Variants in RASGEF1A observed in about 807,000 individuals in gnomAD.
The protein encoded by RASGEF1A is ras-GEF domain-containing family member 1A.
In RASGEF1A, 18 loss-of-function variants were observed where a neutral mutation model predicts 56.4. The observed-to-expected ratio is 0.32, with a 90% CI of 0.22 to 0.47. The LOEUF (loss-of-function observed/expected upper bound fraction) is 0.47. RASGEF1A is among the 20% of genes least tolerant of loss of function. The probability of loss-of-function intolerance (pLI) is 1.00; values close to 1 mark genes in which losing one functional copy is unlikely to be tolerated. For synonymous variants in RASGEF1A, 245 were observed against 242.6 expected, an observed-to-expected ratio of 1.01 and a Z score of -0.09; for missense variants, 422 against 627.1, an observed-to-expected ratio of 0.67 and a Z score of 3.49.
chr10:43,235,936 C>A (rs1446867711), intron 1 of RASGEF1A, among the ~76,000 whole-genome samples: 1 of 152,066 alleles, frequency 6.6e-6, no homozygotes, highest in Non-Finnish European at 1.5e-5. Context: ...GGGACCCCTC[C>A]CATCACAAGG....
intron 1 of RASGEF1A, among the ~76,000 whole-genome samples, chr10:43,250,025 C>T (rs1290909942): frequency 6.6e-6 from 1 of 152,198 alleles, no homozygotes; most frequent in Admixed American, 6.5e-5. Context: ...CCAGGGCAAG[C>T]ACACCACCTC....
chr10:43,220,023 A>T (rs1199568220), intron 1 of RASGEF1A, among the ~76,000 whole-genome samples: 1 of 152,124 alleles, frequency 6.6e-6, no homozygotes, highest in Non-Finnish European at 1.5e-5. Context: ...AGCCTCTGGG[A>T]AACAGCACCC....
intron 1 of RASGEF1A, among the ~76,000 whole-genome samples, chr10:43,214,985 G>C (rs534040865): frequency 2.0e-5 from 3 of 152,202 alleles, no homozygotes; most frequent in African/African-American, 7.2e-5. Flanking sequence ...GCTGTTCCTC[G>C]GACCTCAGCA....
intron 1 of RASGEF1A, among the ~76,000 whole-genome samples, chr10:43,252,301 C>A (rs948889419): frequency 1.3e-5 from 2 of 152,148 alleles, no homozygotes; most frequent in African/African-American, 4.8e-5. Flanking sequence ...AGCAGTGCAC[C>A]CCAGAAGGAG....
chr10:43,245,723 T>TA (rs995021320), intron 1 of RASGEF1A, among the ~76,000 whole-genome samples: 2 of 152,078 alleles, frequency 1.3e-5, no homozygotes, highest in Non-Finnish European at 2.9e-5. Context: ...TTTGAAGATT[T>TA]AAAAAAATGC....
At chr10:43,241,794 T>C (rs1840504545) in intron 1 of RASGEF1A, among the ~76,000 whole-genome samples, 1 of 151,858 alleles carries the variant, frequency 6.6e-6, no homozygotes, top group Admixed American at 6.6e-5. Flanking sequence ...TCCAACTACA[T>C]GGCTTTCTAA....
intron 1 of RASGEF1A, among the ~76,000 whole-genome samples, chr10:43,237,404 G>A (rs1840443688): frequency 6.6e-6 from 1 of 150,430 alleles, no homozygotes; most frequent in African/African-American, 2.5e-5. Flanking sequence ...GCTGATCCCT[G>A]ACCCCACTGT....
At chr10:43,209,303 C>T (rs572779751) in intron 1 of RASGEF1A, 4 of 791,812 alleles carry the variant, frequency 5.1e-6, no homozygotes, top group East Asian at 1.3e-4. Context: ...CTTACGCAGA[C>T]GAGGGGTGAG....
intron 1 of RASGEF1A, among the ~76,000 whole-genome samples, chr10:43,265,781 A>G (rs1403075533): frequency 1.3e-5 from 2 of 152,192 alleles, no homozygotes; most frequent in Non-Finnish European, 2.9e-5. Context: ...CAGGGCACCG[A>G]GGTGGACAGG....
At chr10:43,207,404 ACAC>A (rs1840011857) in intron 1 of RASGEF1A, 2 of 901,624 alleles carry the variant, frequency 2.2e-6, no homozygotes, top group South Asian at 1.2e-4. Context: ...ACACACACAC[ACAC>A]ACACACACAC....
chr10:43,257,211 G>A (rs1280410117), intron 1 of RASGEF1A, among the ~76,000 whole-genome samples: 1 of 152,230 alleles, frequency 6.6e-6, no homozygotes, highest in Non-Finnish European at 1.5e-5. Context: ...GAGGAGCCAT[G>A]AGGCCTGGGT....
intron 3 of RASGEF1A, among the ~76,000 whole-genome samples, chr10:43,202,152 T>C (rs1397226439): frequency 1.3e-5 from 2 of 152,182 alleles, no homozygotes; most frequent in East Asian, 3.9e-4. Flanking sequence ...TTAAGTTGAC[T>C]TTCTTTTTCA....
In RASGEF1A at chr10:43,229,117, C is replaced by A. The variant is rs1287340668; in HGVS notation, c.-6-22995G>T. The stretch of plus-strand genomic sequence containing the variant: ...TACAGCGCCCTCGCCCTGGAGCGCA[C>A]ACTCCTCGAAGCCCCACGGTGGGCT... On this transcript the variant is annotated intron_variant, in intron 1 of 12. Coordinates refer to ENST00000395810, the MANE Select transcript of RASGEF1A (RefSeq NM_145313.4). Among the ~76,000 whole-genome samples, 10 of 152,332 alleles carry A rather than the reference C, an allele frequency of 6.6e-5. 1 individual carries two copies. The highest frequency in any genetic ancestry group is 2.4e-4 in the African/African-American group (10 of 41,582).
chr10:43,226,075 CCAA>C (rs1840276773), intron 1 of RASGEF1A, among the ~76,000 whole-genome samples: 1 of 152,204 alleles, frequency 6.6e-6, no homozygotes, highest in East Asian at 1.9e-4. Context: ...ACCAGCTTTG[CCAA>C]CAAAACTCCA....
At chr10:43,224,409 T>C (rs1225464116) in intron 1 of RASGEF1A, among the ~76,000 whole-genome samples, 2 of 152,160 alleles carry the variant, frequency 1.3e-5, no homozygotes, top group Non-Finnish European at 1.5e-5. Flanking sequence ...TTAAGCACAA[T>C]AGAGCCTGAC....
chr10:43,254,892 C>T (rs563337120), intron 1 of RASGEF1A, among the ~76,000 whole-genome samples: 1 of 152,320 alleles, frequency 6.6e-6, no homozygotes. Flanking sequence ...TTGGGTCTGA[C>T]ATTGGGACCT....
At chr10:43,252,353 G>GTGGGCAGGGGAACC (rs1840635531) in intron 1 of RASGEF1A, among the ~76,000 whole-genome samples, 1 of 152,210 alleles carries the variant, frequency 6.6e-6, no homozygotes, top group Non-Finnish European at 1.5e-5. Flanking sequence ...CCAGGACTAG[G>GTGGGCAGGGGAACC]TGGGCAGGGG....
intron 1 of RASGEF1A, among the ~76,000 whole-genome samples, chr10:43,230,177 G>A (rs1008606340): frequency 2.6e-5 from 4 of 152,356 alleles, no homozygotes; most frequent in Non-Finnish European, 5.9e-5. Context: ...AACTACAGCA[G>A]GTGTTCTGCC....
At chr10:43,226,280 A>G (rs1370500202) in intron 1 of RASGEF1A, among the ~76,000 whole-genome samples, 2 of 152,172 alleles carry the variant, frequency 1.3e-5, no homozygotes, top group Non-Finnish European at 2.9e-5. Flanking sequence ...CGTCTCTACT[A>G]AAAATACAAA....
Sources: gnomAD v4.1 joint callset for allele counts (sites outside exome capture counted in the v4.1 genomes callset) on GRCh38, gnomAD v4.1.1 for gene constraint, MANE v1.5 for transcripts, NCBI Gene and HGNC (gene_info 2026-07-23, HGNC 2026-07-21) for gene names.